The following CETP variants were observed in gnomAD, a reference collection of about 807,000 sequenced individuals.
CETP encodes cholesteryl ester transfer protein.
A neutral mutation model predicts 66.5 loss-of-function variants in CETP; 56 were observed. The ratio of observed to expected loss-of-function variants is 0.84; its 90% CI spans 0.68 to 1.05. The LOEUF is 1.05. Ranked by LOEUF, CETP falls within the 50% of genes least tolerant of loss-of-function variation. The pLI is 0.00. For missense variants in CETP, 612 were observed against 609.6 expected (o/e 1.00, Z -0.04); for synonymous variants, 251 against 245.7 (o/e 1.02, Z -0.20).
chr16:56,971,699 A>C (rs914914845), intron 7 of CETP, among the ~76,000 whole-genome samples: 6 of 152,080 alleles, frequency 3.9e-5, no homozygotes, highest in African/African-American at 1.4e-4. Context: ...ATGGCTGGGC[A>C]CTCATCCATG....
At chr16:56,983,433 C>G in intron 15 of CETP, 22 bp downstream of exon 15, 2 of 1,612,416 alleles carry the variant, frequency 1.2e-6, no homozygotes, top group Non-Finnish European at 1.7e-6. Context: ...GCCCCCCTCA[C>G]CAGCCCCTGT....
intron 7 of CETP, 144 bp from the exon 8 acceptor site, chr16:56,971,848 C>A: frequency 1.3e-6 from 1 of 742,630 alleles, no homozygotes; most frequent in Non-Finnish European, 2.4e-6. Flanking sequence ...AAAAGTGCCA[C>A]ACCCCTCCCC....
Position 56,977,994 on chromosome 16 carries a change from G to T in CETP, c.982-97G>T, listed in dbSNP as rs2056161528. On this transcript the variant is annotated intron_variant, in intron 10 of 15. Coordinates refer to ENST00000200676, the MANE Select transcript of CETP (RefSeq NM_000078.3). ...CTACTTCCTTTTCCCCAGCCCTGGG[G>T]CCCGGAGCCAGCTTTGTCCTTCCCA... The T allele has an allele frequency of 2.0e-6, 3 of 1,490,046 alleles. No homozygotes were observed. In the South Asian group the frequency reaches 3.8e-5, roughly 19 times the overall value. The allele number at this position is 1,490,046 out of a possible 1,614,324, so 92.3% of individuals were successfully genotyped here. A position where few individuals can be genotyped will look rare whatever the true frequency, so the allele number is the denominator to read the frequency against.
chr16:56,973,227 C>A (rs2056125475), intron 8 of CETP, 104 bp from the exon 9 acceptor site: 1 of 1,228,866 alleles, frequency 8.1e-7, no homozygotes, highest in Non-Finnish European at 1.2e-6. Flanking sequence ...GTTTCCCCAT[C>A]TGCACTCTGG....
rs775898375 is a variant in CETP, at chr16:56,978,116, C to A, written c.1007C>A (p.Ala336Asp). ...QEVVGGFPSQ[A>D]QVTVHCLKMP... ...GTTGTCGGCGGCTTCCCCAGCCAGG[C>A]CCAAGTCACCGTCCACTGCCTCAAG... Residue 336 changes from alanine to aspartate, a missense_variant, in exon 11 of 16, where the codon GCC becomes GAC. Coordinates refer to ENST00000200676, the MANE Select transcript of CETP (RefSeq NM_000078.3). The A allele has an allele frequency of 4.3e-6, 7 of 1,614,118 alleles. No individual in the cohort carries two copies. In the African/African-American group the frequency reaches 9.3e-5, roughly 22 times the overall value.
Position 56,969,623 on chromosome 16 carries a change from T to C in CETP, c.381T>C (p.Asp127=). ...GYTTAWWLGI[D]QSIDFEIDSA... is the part of the protein sequence containing the mutation. ...TGGCTCTTTCCAGGCTGGGTATTGA[T>C]CAGTCCATTGACTTCGAGATCGACT... The change falls in exon 4 of 16, where the codon GAT becomes GAC. Residue 127 remains aspartate (D), a synonymous_variant. Transcript: ENST00000200676. The C allele has an allele frequency of 6.2e-7, 1 of 1,614,174 alleles. No homozygotes were observed.
intron 9 of CETP, 125 bp from the exon 10 acceptor site, chr16:56,974,976 G>A (rs536481576): frequency 5.1e-5 from 41 of 801,652 alleles, no homozygotes; most frequent in Admixed American, 2.1e-4. Flanking sequence ...CATGTTGTCT[G>A]GGAGGTTGGG....
chr16:56,972,581 G>A (rs553016761), intron 8 of CETP, among the ~76,000 whole-genome samples: 22 of 152,312 alleles, frequency 1.4e-4, no homozygotes, highest in Middle Eastern at 3.4e-3. Flanking sequence ...CCCCTTCCAC[G>A]TGTTCTCAGC....
At position 56,975,120 on chromosome 16, in the gene CETP, G is replaced by A. The variant is rs778404450; in HGVS notation, c.950G>A (p.Gly317Asp). Residue 317 changes from glycine (G) to aspartate (D), a missense_variant, in exon 10 of 16, where the codon GGC becomes GAC. Physicochemically the swap from Gly to Asp is moderately conservative, Grantham distance 94 (BLOSUM62 -1). Transcript: ENST00000200676. ...TTTCAGGCAGTGCTGGAGACCTGGGGCTTCAACACCAACCAGGAAATCTTC... is the reference window on the plus strand; with the variant it reads ...TTTCAGGCAGTGCTGGAGACCTGGGACTTCAACACCAACCAGGAAATCTTC... ...DEFKAVLETW[G>D]FNTNQEIFQE... The A allele has an allele frequency of 1.2e-6, 2 of 1,613,998 alleles. No individual in the cohort carries two copies. The highest frequency in any genetic ancestry group is 2.2e-5 in the South Asian group (2 of 91,086).
chr16:56,962,056 C>A lies in CETP; in HGVS notation c.77C>A (p.Ala26Glu). The A allele has an allele frequency of 6.2e-7, 1 of 1,614,184 alleles. No homozygotes were observed. ...HACSKGTSHEAGIVCRITKPA... is the reference protein window; with the variant it reads ...HACSKGTSHEEGIVCRITKPA... ...TGCTCCAAAGGCACCTCGCACGAGG[C>A]AGGCATCGTGTGCCGCATCACCAAG... Residue 26 changes from alanine to glutamate, a missense_variant, in exon 1 of 16, where the codon GCA becomes GAA. Coordinates refer to ENST00000200676, the MANE Select transcript of CETP (RefSeq NM_000078.3).
intron 10 of CETP, among the ~76,000 whole-genome samples, chr16:56,976,933 A>C (rs1489755580): frequency 6.6e-6 from 1 of 151,742 alleles, no homozygotes; most frequent in African/African-American, 2.4e-5. Flanking sequence ...TTTGAGACAG[A>C]GTCTCGCTCT....
intron 2 of CETP, 104 bp from the exon 3 acceptor site, chr16:56,969,282 G>A: frequency 1.4e-6 from 2 of 1,448,696 alleles, no homozygotes. Flanking sequence ...CATTTTGGGG[G>A]CCATGATTCT....
chr16:56,971,421 TGGGAGCCA>T (rs2056109566), intron 7 of CETP, 40 bp downstream of exon 7: 1 of 1,590,324 alleles, frequency 6.3e-7, no homozygotes, highest in Non-Finnish European at 8.6e-7. Flanking sequence ...AAGACAGCAG[TGGGAGCCA>T]GAAAGCCACC....
chr16:56,980,642 G>A (rs1255749395), intron 11 of CETP, among the ~76,000 whole-genome samples: 4 of 152,080 alleles, frequency 2.6e-5, no homozygotes, highest in South Asian at 2.1e-4. Context: ...AGAATTATTC[G>A]GCCGGGCACG....
Position 56,967,615 on chromosome 16 carries a change from A to G in CETP, c.234-1771A>G, listed in dbSNP as rs1434130328. Among the ~76,000 whole-genome samples the G allele has an allele frequency of 2.0e-5, 3 of 149,274 alleles. No homozygotes were observed. The Admixed American group carries it at 2.0e-4, about 10-fold the overall frequency. On this transcript the variant is annotated intron_variant, in intron 2 of 15. Coordinates refer to ENST00000200676, the MANE Select transcript of CETP (RefSeq NM_000078.3). ...GGTTGCAGTGAGCCGAGATCGTGCC[A>G]CTGCACTCCAGCCTGAGCAACAGAG... is the stretch of plus-strand genomic sequence containing the variant.
chr16:56,971,134 A>G (rs2056106790), intron 6 of CETP, 32 bp downstream of exon 6: 5 of 1,598,964 alleles, frequency 3.1e-6, no homozygotes, highest in Non-Finnish European at 4.3e-6. Flanking sequence ...CCTGTGGTCC[A>G]GGGCCATGCC....
chr16:56,966,381 T>A (rs1173622988), intron 2 of CETP, among the ~76,000 whole-genome samples: 3 of 152,192 alleles, frequency 2.0e-5, no homozygotes, highest in Non-Finnish European at 4.4e-5. Flanking sequence ...AGTCCTGTCC[T>A]CTGGTTCTCT....
intron 11 of CETP, among the ~76,000 whole-genome samples, chr16:56,979,011 G>A (rs1052487595): frequency 2.6e-5 from 4 of 152,114 alleles, no homozygotes. Flanking sequence ...ATTTTTAGTA[G>A]AGACAGGGTT....
In CETP at chr16:56,982,233, G is replaced by A. The variant is rs760836166; in HGVS notation, c.1317G>A (p.Met439Ile). ...MITAVGIPEV[M>I]SRLEVVFTAL... Reference sequence around the variant, plus strand: ...CCGCTGTGGGCATCCCTGAGGTCATGTCTCGTAAGTGTGGGCTGGAGGGGA... The same window carrying A: ...CCGCTGTGGGCATCCCTGAGGTCATATCTCGTAAGTGTGGGCTGGAGGGGA... The change falls in exon 14 of 16, where the codon ATG (methionine) becomes ATA (isoleucine). Residue 439 changes from methionine to isoleucine, a missense_variant. Coordinates refer to ENST00000200676, the MANE Select transcript of CETP (RefSeq NM_000078.3). The A allele has an allele frequency of 1.9e-6, 3 of 1,614,012 alleles. No homozygotes were observed. Among genetic ancestry groups the A allele is most frequent in the Admixed American group, 1.7e-5 (1 of 60,002 alleles).
Sources: allele counts gnomAD v4.1 joint callset (sites outside exome capture counted in the v4.1 genomes callset), GRCh38; gene constraint gnomAD v4.1.1; transcripts MANE v1.5; gene names NCBI Gene and HGNC (gene_info 2026-07-23, HGNC 2026-07-21).